Variants in PPP2R2C observed in about 807,000 individuals in gnomAD.
The protein encoded by PPP2R2C is protein phosphatase 2 regulatory subunit Bgamma.
A neutral mutation model predicts 45.3 loss-of-function variants in PPP2R2C; 10 were observed. The ratio of observed to expected loss-of-function variants is 0.22; its 90% CI spans 0.14 to 0.37. PPP2R2C has a LOEUF of 0.37. Among genes scored for constraint, PPP2R2C ranks in the 10% least tolerant of loss-of-function variants. PPP2R2C has a pLI of 1.00. For synonymous variants in PPP2R2C, 257 were observed against 245.4 expected (o/e 1.05, Z -0.44); for missense variants, 308 against 619.7 (o/e 0.50, Z 5.34).
chr4:6,473,139 T>A (rs78816169), upstream of PPP2R2C, among the ~76,000 whole-genome samples: 6,898 of 152,004 alleles, frequency 0.045, 456 homozygotes, highest in East Asian at 0.34. Context: ...AAGGCAAAAC[T>A]GGATGAAATG....
intron 1 of PPP2R2C, among the ~76,000 whole-genome samples, chr4:6,409,650 A>C (rs1344886986): frequency 1.3e-5 from 2 of 152,124 alleles, no homozygotes; most frequent in African/African-American, 4.8e-5. Context: ...ACCACAGCTG[A>C]GACTCCCTGT....
rs79194044 is a variant in PPP2R2C, at chr4:6,405,817, T to A, written c.71-24723A>T. ...CTATAAAGCCAGCCACGGACAAGCG[T>A]GGCCATGGGGAACGGCTTCGCGGAG... On this transcript the variant is annotated intron_variant, in intron 1 of 8. Coordinates refer to ENST00000382599, the MANE Select transcript of PPP2R2C (RefSeq NM_020416.4). Among the ~76,000 whole-genome samples the A allele has an allele frequency of 2.1e-4, 32 of 152,248 alleles. 1 individual carries two copies. In the East Asian group the frequency reaches 6.2e-3, roughly 29 times the overall value.
intron 2 of PPP2R2C, among the ~76,000 whole-genome samples, chr4:6,488,726 C>A (rs1333090378): frequency 6.6e-6 from 1 of 152,104 alleles, no homozygotes; most frequent in Non-Finnish European, 1.5e-5. Context: ...AAAAGTTTTG[C>A]TTTGATGATT....
intron 1 of PPP2R2C, among the ~76,000 whole-genome samples, chr4:6,400,219 A>C (rs555548886): frequency 6.6e-6 from 1 of 152,210 alleles, no homozygotes; most frequent in East Asian, 1.9e-4. Flanking sequence ...CCTCAACCAA[A>C]CAATGTATCA....
At chr4:6,392,560 G>A (rs1041896487) in intron 1 of PPP2R2C, among the ~76,000 whole-genome samples, 23 of 152,326 alleles carry the variant, frequency 1.5e-4, no homozygotes, top group African/African-American at 4.8e-4. Context: ...TGACCAGCAC[G>A]AGCAAAGGCC....
chr4:6,443,014 C>G (rs1006102059), intron 1 of PPP2R2C, among the ~76,000 whole-genome samples: 1 of 152,236 alleles, frequency 6.6e-6, no homozygotes, highest in Non-Finnish European at 1.5e-5. Flanking sequence ...ACTTCACAGC[C>G]TCCCTGCTCG....
At chr4:6,524,107 A>G (rs1724117249) in intron 2 of PPP2R2C, among the ~76,000 whole-genome samples, 1 of 151,314 alleles carries the variant, frequency 6.6e-6, no homozygotes, top group African/African-American at 2.4e-5. Flanking sequence ...TTTTTAGTAG[A>G]GACAGGGTTT....
intron 6 of PPP2R2C, among the ~76,000 whole-genome samples, chr4:6,343,770 C>T (rs2109212106): frequency 6.6e-6 from 1 of 152,224 alleles, no homozygotes; most frequent in East Asian, 1.9e-4. Flanking sequence ...CACAAGTTTT[C>T]CTAAGATTTC....
At chr4:6,562,779 C>A (rs559488447) in intron 1 of PPP2R2C, among the ~76,000 whole-genome samples, 2 of 152,232 alleles carry the variant, frequency 1.3e-5, no homozygotes, top group Admixed American at 1.3e-4. Flanking sequence ...CCGGTCAGGG[C>A]GAAGCTAGGA....
rs756621812 is a variant in PPP2R2C, at chr4:6,331,165, G to A, written c.961-1812C>T. Among the ~76,000 whole-genome samples the A allele has an allele frequency of 2.6e-5, 4 of 152,328 alleles. No homozygotes were observed. Among genetic ancestry groups the A allele is most frequent in the South Asian group, 4.1e-4 (2 of 4,824 alleles). On this transcript the variant is annotated intron_variant, in intron 7 of 8. Transcript: ENST00000382599. The surrounding 1 kb of genome is among the most constrained non-coding windows in gnomAD (Gnocchi z 5.9). ...CCTTACTCAGCTCCCAGCAGCCTTG[G>A]TGATGCACGCGTCCAAATGCGCATG...
At chr4:6,513,467 G>A (rs1723735593) in intron 2 of PPP2R2C, among the ~76,000 whole-genome samples, 2 of 152,174 alleles carry the variant, frequency 1.3e-5, no homozygotes, top group East Asian at 3.9e-4. Context: ...GGGGTGAAGA[G>A]TGAGCCACAG....
intron 2 of PPP2R2C, among the ~76,000 whole-genome samples, chr4:6,527,510 G>A (rs761181308): frequency 1.0e-5 from 1 of 95,856 alleles, no homozygotes; most frequent in African/African-American, 4.6e-5. Context: ...ACCAACATGT[G>A]CCATGAGAAT....
At chr4:6,389,259 C>T (rs982218817) in intron 1 of PPP2R2C, among the ~76,000 whole-genome samples, 5 of 152,210 alleles carry the variant, frequency 3.3e-5, no homozygotes, top group African/African-American at 1.2e-4. Flanking sequence ...GGCCTGCAGA[C>T]AGGAGATGAA....
At position 6,348,576 on chromosome 4, in the gene PPP2R2C, G is replaced by T. The variant is rs1439122481; in HGVS notation, c.626-566C>A. The T allele has an allele frequency of 1.3e-5, 12 of 909,784 alleles. No individual in the cohort carries two copies. In the East Asian group the frequency reaches 4.8e-4, roughly 36 times the overall value. 56.4% of individuals were successfully genotyped at this position (909,784 alleles called of 1,614,324 possible). ...TATGGAGATTCTCCTTTGGGCAAAG[G>T]TTCTTCTGGGTTTCTGGGTCGGCCC... On this transcript the variant is annotated intron_variant, in intron 5 of 8. Transcript: ENST00000382599.
At chr4:6,530,584 C>T (rs955449941) in intron 2 of PPP2R2C, among the ~76,000 whole-genome samples, 1 of 152,144 alleles carries the variant, frequency 6.6e-6, no homozygotes, top group Admixed American at 6.5e-5. Context: ...CGGGTAACAA[C>T]ATGACAGCAG....
intron 2 of PPP2R2C, among the ~76,000 whole-genome samples, chr4:6,516,722 T>C (rs2108810219): frequency 1.3e-5 from 2 of 152,374 alleles, no homozygotes; most frequent in South Asian, 4.1e-4. Flanking sequence ...CTACATGCTT[T>C]GGCGTTAACA....
At position 6,378,510 on chromosome 4, in the gene PPP2R2C, C is replaced by T. The variant is rs200538202; in HGVS notation, c.231G>A (p.Glu77=). ...YDVYSTFQSH[E]PEFDYLKSLE... ...GGCTCTTGAGATAGTCAAACTCCGG[C>T]TCGTGGCTCTGGAAAGTGCTGTACA... is the stretch of plus-strand genomic sequence containing the variant. Residue 77 remains glutamate, a synonymous_variant, in exon 3 of 9, where the codon GAG becomes GAA. Transcript: ENST00000382599. The surrounding 1 kb of genome is among the most constrained non-coding windows in gnomAD (Gnocchi z 5.2). 6.2e-7 allele frequency: 1 copy of T among 1,614,148 alleles called. No individual in the cohort carries two copies. Among genetic ancestry groups the T allele is most frequent in the East Asian group, 2.2e-5 (1 of 44,846 alleles).
At chr4:6,559,318 G>A (rs1725501852) in intron 1 of PPP2R2C, among the ~76,000 whole-genome samples, 1 of 152,140 alleles carries the variant, frequency 6.6e-6, no homozygotes, top group Non-Finnish European at 1.5e-5. Context: ...GTGAGATAGA[G>A]TGTATAGTGC....
chr4:6,456,356 A>G (rs1721036963), intron 1 of PPP2R2C, among the ~76,000 whole-genome samples: 1 of 142,772 alleles, frequency 7.0e-6, no homozygotes, highest in South Asian at 2.5e-4. Context: ...CGTTTCTGTA[A>G]TGAAATAAAA....
Sources: allele counts gnomAD v4.1 joint callset (sites outside exome capture counted in the v4.1 genomes callset), GRCh38; gene constraint gnomAD v4.1.1; non-coding constraint Gnocchi (gnomAD v3.1); transcripts MANE v1.5; gene names NCBI Gene and HGNC (gene_info 2026-07-23, HGNC 2026-07-21).